FSD1: variants seen among roughly 807,000 people sequenced by gnomAD.
FSD1 encodes the protein fibronectin type III and SPRY domain-containing protein 1.
Under a neutral mutation model 58.2 loss-of-function variants are expected in FSD1, and 23 were observed. The ratio of observed to expected loss-of-function variants is 0.40; its 90% CI spans 0.28 to 0.56. The LOEUF (loss-of-function observed/expected upper bound fraction) is 0.56. Among genes scored for constraint, FSD1 ranks in the 20% least tolerant of loss-of-function variants. The probability of loss-of-function intolerance (pLI) is 0.54; values close to 1 mark genes in which losing one functional copy is unlikely to be tolerated. For synonymous variants in FSD1, 265 were observed against 263.4 expected (o/e 1.01, Z -0.06); for missense variants, 563 against 670.8 (o/e 0.84, Z 1.78).
At chr19:4,308,957 C>G (rs1037931046) in intron 4 of FSD1, among the ~76,000 whole-genome samples, 1 of 143,104 alleles carries the variant, frequency 7.0e-6, no homozygotes, top group Non-Finnish European at 1.5e-5. Flanking sequence ...CACCTGTAGT[C>G]CCAGCTACTC....
intron 7 of FSD1, among the ~76,000 whole-genome samples, chr19:4,312,296 G>A (rs768305639): frequency 1.3e-5 from 2 of 151,770 alleles, no homozygotes; most frequent in Middle Eastern, 3.4e-3. Flanking sequence ...CAAGACCAGC[G>A]TGGCCAACAT....
chr19:4,318,251 C>T (rs1971776075), intron 8 of FSD1, 95 bp from the exon 9 acceptor site: 1 of 1,513,474 alleles, frequency 6.6e-7, no homozygotes, highest in African/African-American at 1.4e-5. Flanking sequence ...CTGTCCCTGT[C>T]TTGGTCTGTC....
At chr19:4,318,254 G>A in intron 8 of FSD1, 92 bp from the exon 9 acceptor site, 1 of 1,522,700 alleles carries the variant, frequency 6.6e-7, no homozygotes, top group Non-Finnish European at 9.0e-7. Context: ...TCCCTGTCTT[G>A]GTCTGTCTTG....
At chr19:4,315,083 A>C (rs905297497) in intron 7 of FSD1, among the ~76,000 whole-genome samples, 1 of 152,022 alleles carries the variant, frequency 6.6e-6, no homozygotes, top group Admixed American at 6.6e-5. Flanking sequence ...ATTGCTTGGA[A>C]AGATGGGAGG....
At position 4,304,641 on chromosome 19, in the gene FSD1, G is replaced by T; in HGVS notation, c.-106G>T. 1 of 640,340 alleles carries T rather than the reference G, an allele frequency of 1.6e-6. No individual in the cohort carries two copies. Among genetic ancestry groups the T allele is most frequent in the Non-Finnish European group, 2.2e-6 (1 of 450,686 alleles). The allele number at this position is 640,340 out of a possible 1,614,324, so 39.7% of individuals were successfully genotyped here. A position where few individuals can be genotyped will look rare whatever the true frequency, so the allele number is the denominator to read the frequency against. Reference sequence around the variant, plus strand: ...GAGCGCTAACCGGGGGCGCGGCGGCGGCGAGGGCTCGGCGGGCCATTGGCT... The same window carrying T: ...GAGCGCTAACCGGGGGCGCGGCGGCTGCGAGGGCTCGGCGGGCCATTGGCT... On this transcript the variant is annotated 5_prime_UTR_variant, in exon 1 of 13. Transcript: ENST00000221856.
At position 4,306,126 on chromosome 19, in the gene FSD1, T is replaced by C. The variant is rs1971618269; in HGVS notation, c.112-72T>C. On this transcript the variant is annotated intron_variant, in intron 2 of 12. Transcript: ENST00000221856. ...GCCTTAGGAACTGGCCCATTGCTGT[T>C]GATGCCTGTGGGAGGTCTCAGGTTC... The C allele has an allele frequency of 5.0e-6, 8 of 1,610,760 alleles. No individual in the cohort carries two copies. The South Asian group carries it at 8.8e-5, about 18-fold the overall frequency.
rs1044214861 is a variant in FSD1, at chr19:4,322,999, C to G, written c.1053C>G (p.Ile351Met). Residue 351 changes from isoleucine to methionine, a missense_variant, in exon 11 of 13, where the codon ATC (isoleucine) becomes ATG (methionine). Transcript: ENST00000221856. ...CCTGCGCCACAGGGGACACGCTGAT[C>G]GACGGCGGGGAGCATTACTGGGAGG... is the stretch of plus-strand genomic sequence containing the variant. ...ESYTVLGDTL[I>M]DGGEHYWEVR... 5 of 1,610,512 alleles carry G rather than the reference C, an allele frequency of 3.1e-6. No homozygotes were observed. The highest frequency in any genetic ancestry group is 4.5e-5 in the East Asian group (2 of 44,832).
chr19:4,311,717 T>C (rs1971693736), intron 6 of FSD1, 125 bp from the exon 7 acceptor site: 1 of 740,606 alleles, frequency 1.4e-6, no homozygotes, highest in Non-Finnish European at 2.3e-6. Context: ...CTGCCAAACA[T>C]GGAACCCCTT....
At chr19:4,308,883 G>A (rs1193127382) in intron 4 of FSD1, among the ~76,000 whole-genome samples, 1 of 147,048 alleles carries the variant, frequency 6.8e-6, no homozygotes, top group Non-Finnish European at 1.5e-5. Flanking sequence ...AGACCATCTT[G>A]GCTAGGACGG....
intron 3 of FSD1, among the ~76,000 whole-genome samples, chr19:4,306,575 C>T (rs1366150000): frequency 6.6e-6 from 1 of 151,982 alleles, no homozygotes; most frequent in East Asian, 1.9e-4. Context: ...TCAAGCAATT[C>T]TCCTACCTCA....
At position 4,312,105 on chromosome 19, in the gene FSD1, C is replaced by T. The variant is rs528203816; in HGVS notation, c.700+54C>T. The T allele has an allele frequency of 3.5e-6, 5 of 1,447,898 alleles. No individual in the cohort carries two copies. The African/African-American group carries it at 6.9e-5, about 20-fold the overall frequency. 89.7% of individuals were successfully genotyped at this position (1,447,898 alleles called of 1,614,324 possible). A position where few individuals can be genotyped will look rare whatever the true frequency, so the allele number is the denominator to read the frequency against. ...AGCTGTGAACAGCCACCTCTTCCAG[C>T]CTCCCGTCTCGCCATCAGTCACTGG... On this transcript the variant is annotated intron_variant, in intron 7 of 12. Transcript: ENST00000221856.
rs185816345 is a variant in FSD1, at chr19:4,309,998, C to A, written c.346-275C>A. 2.6e-5 allele frequency among the ~76,000 whole-genome samples: 4 copies of A among 151,826 alleles called. No homozygotes were observed. In the East Asian group the frequency reaches 7.8e-4, roughly 29 times the overall value. On this transcript the variant is annotated intron_variant, in intron 4 of 12. Transcript: ENST00000221856. ...ATCCCAGCACTCTGGGAGGCTGAGGCAGGCGGATCACCTGAGGTCAGGAGT... is the reference window on the plus strand; with the variant it reads ...ATCCCAGCACTCTGGGAGGCTGAGGAAGGCGGATCACCTGAGGTCAGGAGT...
intron 10 of FSD1, among the ~76,000 whole-genome samples, chr19:4,320,639 T>TG (rs1222880771): frequency 6.6e-6 from 1 of 151,942 alleles, no homozygotes; most frequent in Non-Finnish European, 1.5e-5. Context: ...TAGGAGTATC[T>TG]GGGGGGAATA....
intron 9 of FSD1, 91 bp from the exon 10 acceptor site, chr19:4,318,781 G>C: frequency 3.9e-6 from 4 of 1,024,858 alleles, no homozygotes; most frequent in Non-Finnish European, 1.5e-6. Context: ...CAACATCCAC[G>C]GTGGCTGGGG....
chr19:4,319,011 G>A (rs975519118), intron 10 of FSD1, 60 bp downstream of exon 10: 27 of 1,337,058 alleles, frequency 2.0e-5, no homozygotes, highest in Admixed American at 1.2e-4. Flanking sequence ...AATGGTGGGG[G>A]TTGAGGGAGA....
chr19:4,323,436 G>C lies in FSD1; in HGVS notation c.1380G>C (p.Thr460=). ...CACAGCCGCTGCTGCCTGCTTTCAC[G>C]GTGAGCTGCCCTCCGCGGCCCAGGG... ...RFTQPLLPAF[T]VWCGSFQVTT... Residue 460 remains threonine (T), a splice_region_variant and synonymous_variant, in exon 12 of 13, where the codon ACG becomes ACC. Coordinates refer to ENST00000221856, the MANE Select transcript of FSD1 (RefSeq NM_024333.3). The surrounding 1 kb of genome is among the most constrained non-coding windows in gnomAD (Gnocchi z 7.7). The C allele has an allele frequency of 6.2e-7, 1 of 1,613,204 alleles. No individual in the cohort carries two copies.
At chr19:4,310,747 G>C (rs1158643951) in intron 6 of FSD1, 151 bp downstream of exon 6, 7 of 867,730 alleles carry the variant, frequency 8.1e-6, no homozygotes, top group South Asian at 6.9e-5. Flanking sequence ...ACGCCCTGTG[G>C]GGGGTGGAGT....
In FSD1 at chr19:4,310,806, C is replaced by T. The variant is rs112054505; in HGVS notation, c.490+210C>T. 2.7e-4 allele frequency: 146 copies of T among 543,810 alleles called. 1 individual carries two copies. In the Middle Eastern group the frequency reaches 3.1e-3, roughly 11 times the overall value. 33.7% of individuals were successfully genotyped at this position (543,810 alleles called of 1,614,324 possible). ...TGGAGCCATGGGAAGACCCCACCCA[C>T]TGTGTAGTGACATCCTGGGAAAACT... On this transcript the variant is annotated intron_variant, in intron 6 of 12. Coordinates refer to ENST00000221856, the MANE Select transcript of FSD1 (RefSeq NM_024333.3).
At chr19:4,315,106 T>A (rs1032356235) in intron 7 of FSD1, among the ~76,000 whole-genome samples, 2 of 152,014 alleles carry the variant, frequency 1.3e-5, no homozygotes, top group Non-Finnish European at 2.9e-5. Flanking sequence ...TTGGGTTATT[T>A]TCTTCTTTCT....
Sources: allele counts gnomAD v4.1 joint callset (sites outside exome capture counted in the v4.1 genomes callset), GRCh38; gene constraint gnomAD v4.1.1; non-coding constraint Gnocchi (gnomAD v3.1); transcripts MANE v1.5; gene names NCBI Gene and HGNC (gene_info 2026-07-23, HGNC 2026-07-21).